The following DLGAP1 variants were observed in gnomAD, a reference collection of about 807,000 sequenced individuals.
DLGAP1 encodes DLG associated protein 1, also known as disks large-associated protein 1.
DLGAP1 carries 11 observed loss-of-function variants against 90.8 expected under a neutral mutation model. The ratio of observed to expected loss-of-function variants is 0.12; its 90% CI spans 0.08 to 0.20. The LOEUF (loss-of-function observed/expected upper bound fraction) is 0.20. Among genes scored for constraint, DLGAP1 ranks in the 10% least tolerant of loss-of-function variants. DLGAP1 has a pLI of 1.00. For synonymous variants in DLGAP1, 558 were observed against 540.7 expected (o/e 1.03, Z -0.44); for missense variants, 1,050 against 1,333.8 (o/e 0.79, Z 3.31).
At chr18:4,130,884 T>G (rs2076303226) in intron 2 of DLGAP1, among the ~76,000 whole-genome samples, 1 of 152,000 alleles carries the variant, frequency 6.6e-6, no homozygotes, top group Non-Finnish European at 1.5e-5. Context: ...TTGCAAAAAC[T>G]GTGAGAAAAT....
At chr18:3,600,657 TATCTATAGAG>T (rs1365980956) in intron 7 of DLGAP1, among the ~76,000 whole-genome samples, 2 of 147,314 alleles carry the variant, frequency 1.4e-5, no homozygotes, top group African/African-American at 5.1e-5. Context: ...GAGATATAGA[TATCTATAGAG>T]ATCTATAGAT....
chr18:3,814,384 T>A, intron 4 of DLGAP1, 111 bp from the exon 5 acceptor site: 1 of 928,554 alleles, frequency 1.1e-6, no homozygotes. Flanking sequence ...TTTTTTGAGA[T>A]GGGGTCTTGC....
chr18:3,965,895 C>T (rs1221300487), intron 3 of DLGAP1, among the ~76,000 whole-genome samples: 1 of 142,668 alleles, frequency 7.0e-6, no homozygotes, highest in African/African-American at 2.6e-5. Context: ...TTGCCGTGAG[C>T]CGAGATCCTA....
At chr18:4,161,524 T>C (rs2076845438) in intron 1 of DLGAP1, among the ~76,000 whole-genome samples, 2 of 152,196 alleles carry the variant, frequency 1.3e-5, no homozygotes, top group South Asian at 4.1e-4. Context: ...TCCATGTCTT[T>C]GCTATTGTGA....
intron 5 of DLGAP1, among the ~76,000 whole-genome samples, chr18:3,808,164 T>A (rs745443185): frequency 6.6e-6 from 1 of 152,334 alleles, no homozygotes; most frequent in Middle Eastern, 3.4e-3. Flanking sequence ...ATTTGAAAGG[T>A]ATTTAGATAA....
At chr18:3,644,096 C>A (rs1286402652) in intron 7 of DLGAP1, among the ~76,000 whole-genome samples, 1 of 152,140 alleles carries the variant, frequency 6.6e-6, no homozygotes, top group Non-Finnish European at 1.5e-5. Flanking sequence ...ACTTTTGGTT[C>A]AAGGTTGTCT....
chr18:3,961,092 T>TG (rs1050186859), intron 3 of DLGAP1, among the ~76,000 whole-genome samples: 3 of 152,108 alleles, frequency 2.0e-5, no homozygotes, highest in East Asian at 3.9e-4. Context: ...CCTGGGCCGC[T>TG]GGGGGAGCAG....
intron 1 of DLGAP1, among the ~76,000 whole-genome samples, chr18:4,313,044 T>C (rs2315485): frequency 0.23 from 34,993 of 152,094 alleles, 4,097 homozygotes; most frequent in Middle Eastern, 0.28. Flanking sequence ...GTGACCTACA[T>C]TTTCCTCTCC....
intron 7 of DLGAP1, among the ~76,000 whole-genome samples, chr18:3,664,963 C>G (rs1389833108): frequency 1.3e-5 from 2 of 152,164 alleles, no homozygotes; most frequent in Non-Finnish European, 2.9e-5. Flanking sequence ...AAGACTGTGA[C>G]TTAATATGAG....
intron 10 of DLGAP1, among the ~76,000 whole-genome samples, chr18:3,528,058 C>T (rs530184690): frequency 3.9e-5 from 6 of 152,136 alleles, no homozygotes; most frequent in South Asian, 2.1e-4. Flanking sequence ...TAGAATCTTC[C>T]GTTTTTTCCC....
chr18:3,781,950 A>G (rs767234714), intron 5 of DLGAP1, among the ~76,000 whole-genome samples: 61 of 152,170 alleles, frequency 4.0e-4, no homozygotes, highest in Non-Finnish European at 4.3e-4. Flanking sequence ...TGATTTGATT[A>G]AAATACAGCT....
At chr18:3,629,268 T>C (rs1163121497) in intron 7 of DLGAP1, among the ~76,000 whole-genome samples, 2 of 151,326 alleles carry the variant, frequency 1.3e-5, no homozygotes, top group Non-Finnish European at 2.9e-5. Flanking sequence ...ATAGCTGAGG[T>C]GGGAGGATCA....
rs117104391 is a variant in DLGAP1, at chr18:4,042,613, G to A, written c.-158-37412C>T. 4.6e-3 allele frequency among the ~76,000 whole-genome samples: 699 copies of A among 152,262 alleles called. 4 individuals carry two copies. Among genetic ancestry groups the A allele is most frequent in the Non-Finnish European group, 7.8e-3 (529 of 68,030 alleles). On this transcript the variant is annotated intron_variant, in intron 2 of 12. Transcript: ENST00000315677. ...AATTAGCTGGTCAGGGGTGGCGTGC[G>A]CCTGTAGTCCTAGCTGTTCGGGAGG...
chr18:4,298,807 C>T (rs540123193), intron 1 of DLGAP1, among the ~76,000 whole-genome samples: 5 of 151,902 alleles, frequency 3.3e-5, no homozygotes, highest in African/African-American at 9.7e-5. Context: ...CTTGGCCTGG[C>T]GCAGTGGCTC....
chr18:4,106,740 T>C (rs1282762237), intron 2 of DLGAP1, among the ~76,000 whole-genome samples: 1 of 152,222 alleles, frequency 6.6e-6, no homozygotes, highest in Non-Finnish European at 1.5e-5. Context: ...AATAGCATTT[T>C]TGAAGGAGGA....
intron 1 of DLGAP1, among the ~76,000 whole-genome samples, chr18:4,197,188 T>TAAAAAAAAAAAAAA (rs532844849): frequency 4.8e-3 from 353 of 72,884 alleles, no homozygotes; most frequent in South Asian, 7.9e-3. Context: ...TAAAAAAAAG[T>TAAAAAAAAAAAAAA]AAAAAAAAAA....
intron 3 of DLGAP1, among the ~76,000 whole-genome samples, chr18:3,943,757 C>A (rs960701213): frequency 1.5e-4 from 23 of 152,130 alleles, no homozygotes; most frequent in African/African-American, 3.9e-4. Flanking sequence ...CGGAATGTGA[C>A]TGTACTGTAT....
intron 1 of DLGAP1, among the ~76,000 whole-genome samples, chr18:4,188,272 T>C (rs1198824040): frequency 1.3e-5 from 2 of 152,196 alleles, no homozygotes. Flanking sequence ...TTTATTCAAT[T>C]TCAAATATTT....
intron 1 of DLGAP1, among the ~76,000 whole-genome samples, chr18:4,390,625 T>C (rs117661395): frequency 1.1e-3 from 172 of 152,318 alleles, no homozygotes; most frequent in Non-Finnish European, 1.9e-3. Context: ...ATACAGTACA[T>C]AGGCTTTTCA....
Sources: allele counts gnomAD v4.1 joint callset (sites outside exome capture counted in the v4.1 genomes callset), GRCh38; gene constraint gnomAD v4.1.1; transcripts MANE v1.5; gene names NCBI Gene and HGNC (gene_info 2026-07-23, HGNC 2026-07-21).